VTI1A: variants seen among roughly 807,000 people sequenced by gnomAD.
VTI1A encodes the protein vesicle transport through interaction with t-SNAREs homolog 1A.
A neutral mutation model predicts 34.9 loss-of-function variants in VTI1A; 22 were observed. That is an observed-to-expected ratio of 0.63 (90% CI 0.45 to 0.90). The LOEUF is 0.90. Among genes scored for constraint, VTI1A ranks in the 40% least tolerant of loss-of-function variants. The pLI is 0.00. For synonymous variants in VTI1A, 87 were observed against 97.3 expected (o/e 0.89, Z 0.62); for missense variants, 268 against 275.6 (o/e 0.97, Z 0.20).
chr10:112,676,801 G>A (rs558816986), intron 7 of VTI1A, among the ~76,000 whole-genome samples: 6 of 152,128 alleles, frequency 3.9e-5, no homozygotes, highest in Admixed American at 1.3e-4. Flanking sequence ...ATCAACTCAC[G>A]TAACTAAATA....
chr10:112,662,526 T>C (rs1269589255), intron 5 of VTI1A, among the ~76,000 whole-genome samples: 1 of 152,234 alleles, frequency 6.6e-6, no homozygotes, highest in African/African-American at 2.4e-5. Context: ...CATTTGTTTC[T>C]TGATAAACTC....
At chr10:112,849,683 C>T in the VTI1A span, among the ~76,000 whole-genome samples, 1 of 152,310 alleles carries the variant, frequency 6.6e-6, no homozygotes, top group Admixed American at 6.5e-5. Context: ...AAACATGGAT[C>T]TGGGTGAACT....
intron 5 of VTI1A, among the ~76,000 whole-genome samples, chr10:112,640,007 C>T (rs1488618774): frequency 1.3e-5 from 2 of 152,150 alleles, no homozygotes; most frequent in Non-Finnish European, 2.9e-5. Context: ...TCATGTCTTC[C>T]ACCTTCTGTT....
intron 3 of VTI1A, among the ~76,000 whole-genome samples, chr10:112,487,489 C>T (rs1848682507): frequency 6.6e-6 from 1 of 152,194 alleles, no homozygotes; most frequent in Non-Finnish European, 1.5e-5. Context: ...CCAAATTTGG[C>T]ATTGTAGCAT....
chr10:112,845,772 C>G, the VTI1A span, among the ~76,000 whole-genome samples: 1 of 152,202 alleles, frequency 6.6e-6, no homozygotes, highest in Admixed American at 6.5e-5. Flanking sequence ...AATCCCAGCA[C>G]TTTGGGAGGC....
rs3057340 is a variant in VTI1A, at chr10:112,589,018, C to CT, written c.427+50710dup. Among the ~76,000 whole-genome samples the CT allele has an allele frequency of 3.4e-3, 438 of 129,244 alleles. 2 individuals carry two copies. Among genetic ancestry groups the CT allele is most frequent in the South Asian group, 4.9e-3 (20 of 4,084 alleles). The allele number at this position is 129,244 out of a possible 152,430, so 84.8% of individuals were successfully genotyped here. ...ATATTTCAACACTTTGACTCCTTGT[C>CT]TTTTTTTTTTTTTTTTTTTTTTAAC... On this transcript the variant is annotated intron_variant, in intron 5 of 7. Coordinates refer to ENST00000393077, the MANE Select transcript of VTI1A (RefSeq NM_145206.4).
At chr10:112,611,853 T>C (rs945264995) in intron 5 of VTI1A, among the ~76,000 whole-genome samples, 1 of 150,544 alleles carries the variant, frequency 6.6e-6, no homozygotes, top group Non-Finnish European at 1.5e-5. Flanking sequence ...GTCATTGTCC[T>C]ACCTCAGCCT....
chr10:112,803,734 C>G (rs1474757364), intron 7 of VTI1A, among the ~76,000 whole-genome samples: 1 of 152,088 alleles, frequency 6.6e-6, no homozygotes, highest in Non-Finnish European at 1.5e-5. Flanking sequence ...CCACTGCACA[C>G]CAGCCTGGGT....
chr10:112,744,889 G>T lies in VTI1A; in HGVS notation c.561-70401G>T, dbSNP rs996222614. Among the ~76,000 whole-genome samples the T allele has an allele frequency of 3.9e-4, 60 of 152,188 alleles. 1 individual carries two copies. Among genetic ancestry groups the T allele is most frequent in the Admixed American group, 2.0e-4 (3 of 15,280 alleles). Reference sequence around the variant, plus strand: ...TCCTCACAGCAAACTGAGATATCCAGGGGTAGAACAGGTTTTGTGGGACCT... The same window carrying T: ...TCCTCACAGCAAACTGAGATATCCATGGGTAGAACAGGTTTTGTGGGACCT... On this transcript the variant is annotated intron_variant, in intron 7 of 7. Coordinates refer to ENST00000393077, the MANE Select transcript of VTI1A (RefSeq NM_145206.4).
chr10:112,634,532 C>G (rs1386614606), intron 5 of VTI1A, among the ~76,000 whole-genome samples: 3 of 151,398 alleles, frequency 2.0e-5, no homozygotes, highest in Admixed American at 6.6e-5. Context: ...CACACACACA[C>G]ACACACACAC....
intron 3 of VTI1A, among the ~76,000 whole-genome samples, chr10:112,468,016 A>G (rs1415827539): frequency 2.0e-5 from 3 of 152,244 alleles, no homozygotes; most frequent in Non-Finnish European, 2.9e-5. Flanking sequence ...ACATTATGTA[A>G]AGTGAATAAA....
intron 7 of VTI1A, 81 bp downstream of exon 7, chr10:112,669,079 T>A (rs981736815): frequency 1.8e-5 from 27 of 1,512,226 alleles, no homozygotes; most frequent in Non-Finnish European, 2.3e-5. Context: ...CAATGGGGCA[T>A]ATTACATGCT....
At chr10:112,632,655 T>C (rs1435600439) in intron 5 of VTI1A, among the ~76,000 whole-genome samples, 2 of 152,150 alleles carry the variant, frequency 1.3e-5, no homozygotes, top group African/African-American at 2.4e-5. Flanking sequence ...CTTCTGACTA[T>C]AGTGTACCGG....
rs772752445 is a variant in VTI1A, at chr10:112,712,511, C to CACAT, written c.560+43514_560+43515insCATA. 6.9e-3 allele frequency among the ~76,000 whole-genome samples: 1,027 copies of CACAT among 147,864 alleles called. 19 individuals are homozygous for CACAT. Among genetic ancestry groups the CACAT allele is most frequent in the African/African-American group, 0.024 (962 of 40,182 alleles). The stretch of plus-strand genomic sequence containing the variant: ...ACACACACACACACACACACACACA[C>CACAT]ATTAAATGATATAAATCTAGTTAAA... On this transcript the variant is annotated intron_variant, in intron 7 of 7. Transcript: ENST00000393077.
intron 7 of VTI1A, among the ~76,000 whole-genome samples, chr10:112,783,489 G>A (rs1448598535): frequency 6.6e-6 from 1 of 152,132 alleles, no homozygotes; most frequent in African/African-American, 2.4e-5. Flanking sequence ...ATGATCAACA[G>A]ATGTAAATGT....
intron 5 of VTI1A, among the ~76,000 whole-genome samples, chr10:112,635,527 G>A (rs552501222): frequency 3.8e-4 from 58 of 152,276 alleles, no homozygotes; most frequent in African/African-American, 1.4e-3. Flanking sequence ...TTTTCTTGGT[G>A]AGCATGGCCA....
In VTI1A at chr10:112,501,687, A is replaced by G. The variant is rs1013907896; in HGVS notation, c.265-25400A>G. Among the ~76,000 whole-genome samples, 4 of 130,624 alleles carry G rather than the reference A, an allele frequency of 3.1e-5. No individual in the cohort carries two copies. The Admixed American group carries it at 3.9e-4, about 13-fold the overall frequency. The allele number at this position is 130,624 out of a possible 152,430, so 85.7% of individuals were successfully genotyped here. ...CCCCACCTCCCGCCCTCAGAAATCT[A>G]AAACTTTTACACTAAAATTTTCATG... On this transcript the variant is annotated intron_variant, in intron 3 of 7. Coordinates refer to ENST00000393077, the MANE Select transcript of VTI1A (RefSeq NM_145206.4).
At chr10:112,505,252 A>G (rs1320614609) in intron 3 of VTI1A, among the ~76,000 whole-genome samples, 1 of 152,086 alleles carries the variant, frequency 6.6e-6, no homozygotes, top group African/African-American at 2.4e-5. Context: ...TCTTGTCTTT[A>G]ATGGTTTTAC....
At chr10:112,449,149 G>A (rs572811285) in intron 1 of VTI1A, 1 of 152,136 alleles carries the variant, frequency 6.6e-6, no homozygotes, top group African/African-American at 2.4e-5. Context: ...GCCGGAGATC[G>A]TCTTGATTTT....
Sources: allele counts gnomAD v4.1 joint callset (sites outside exome capture counted in the v4.1 genomes callset), GRCh38; gene constraint gnomAD v4.1.1; transcripts MANE v1.5; gene names NCBI Gene and HGNC (gene_info 2026-07-23, HGNC 2026-07-21).